The following LIPH variants were observed in gnomAD, a reference collection of about 807,000 sequenced individuals.
The protein encoded by LIPH is lipase member H.
Under a neutral mutation model 47.6 loss-of-function variants are expected in LIPH, and 32 were observed. The ratio of observed to expected loss-of-function variants is 0.67; its 90% CI spans 0.51 to 0.90. LIPH has a LOEUF of 0.90. Among genes scored for constraint, LIPH ranks in the 40% least tolerant of loss-of-function variants. LIPH has a pLI of 0.00. For missense variants in LIPH, 497 were observed against 541.4 expected (o/e 0.92, Z 0.81); for synonymous variants, 190 against 195.6 (o/e 0.97, Z 0.24).
chr3:185,545,827 C>T (rs1004745255), intron 1 of LIPH, among the ~76,000 whole-genome samples: 1 of 152,102 alleles, frequency 6.6e-6, no homozygotes, highest in Non-Finnish European at 1.5e-5. Flanking sequence ...AATTAATTGC[C>T]TAACCTCTCT....
intron 5 of LIPH, among the ~76,000 whole-genome samples, chr3:185,522,472 G>A (rs1719921466): frequency 6.6e-6 from 1 of 150,524 alleles, no homozygotes; most frequent in African/African-American, 2.4e-5. Context: ...GAAAGGGAAG[G>A]GAAAGGAAAG....
At chr3:185,540,347 A>G (rs1479843880) in intron 1 of LIPH, among the ~76,000 whole-genome samples, 2 of 152,044 alleles carry the variant, frequency 1.3e-5, no homozygotes, top group Non-Finnish European at 2.9e-5. Context: ...GTTCTTTTGT[A>G]TGTATGTGTT....
chr3:185,547,628 G>A (rs1720916540), intron 1 of LIPH, among the ~76,000 whole-genome samples: 1 of 152,012 alleles, frequency 6.6e-6, no homozygotes, highest in Non-Finnish European at 1.5e-5. Context: ...AGCCTGGCCA[G>A]CCTGGCCAAC....
intron 3 of LIPH, among the ~76,000 whole-genome samples, chr3:185,532,157 G>A (rs896427369): frequency 2.7e-5 from 4 of 150,916 alleles, no homozygotes; most frequent in Admixed American, 1.3e-4. Flanking sequence ...GCAACTTCAC[G>A]GCCTCTTACT....
intron 3 of LIPH, among the ~76,000 whole-genome samples, chr3:185,532,953 C>T (rs1016577091): frequency 6.6e-6 from 1 of 152,066 alleles, no homozygotes; most frequent in Non-Finnish European, 1.5e-5. Context: ...AAATAGCCAT[C>T]TAGGTATGAG....
At chr3:185,529,954 GA>G (rs869057362) in intron 3 of LIPH, among the ~76,000 whole-genome samples, 1 of 54,744 alleles carries the variant, frequency 1.8e-5, no homozygotes, top group Non-Finnish European at 4.6e-5. Context: ...AAGAAAGAAA[GA>G]AAGAAAGAAG....
At chr3:185,537,625 A>G (rs1356733985) in intron 1 of LIPH, among the ~76,000 whole-genome samples, 5 of 152,076 alleles carry the variant, frequency 3.3e-5, no homozygotes, top group African/African-American at 1.2e-4. Context: ...CTTAGCTATC[A>G]GTAAGGCTGG....
intron 8 of LIPH, among the ~76,000 whole-genome samples, chr3:185,512,243 C>T (rs1293618379): frequency 6.6e-6 from 1 of 152,080 alleles, no homozygotes; most frequent in African/African-American, 2.4e-5. Context: ...TAGATGCTAA[C>T]TGAATTGTGC....
chr3:185,530,869 A>AAAAT (rs895092406), intron 3 of LIPH, among the ~76,000 whole-genome samples: 5 of 152,098 alleles, frequency 3.3e-5, no homozygotes, highest in East Asian at 1.9e-4. Flanking sequence ...CCCTGTCTCA[A>AAAAT]AAATAAATAA....
At chr3:185,551,865 T>A (rs1012258489) in intron 1 of LIPH, among the ~76,000 whole-genome samples, 2 of 152,108 alleles carry the variant, frequency 1.3e-5, no homozygotes, top group African/African-American at 2.4e-5. Flanking sequence ...ACATTAGGGT[T>A]TTAATTTTGA....
intron 1 of LIPH, among the ~76,000 whole-genome samples, chr3:185,541,917 T>G (rs1720726352): frequency 6.6e-6 from 1 of 151,666 alleles, no homozygotes; most frequent in African/African-American, 2.4e-5. Context: ...CCACCACACC[T>G]GGCTAATTTT....
At chr3:185,547,816 A>G (rs1329124130) in intron 1 of LIPH, among the ~76,000 whole-genome samples, 1 of 145,954 alleles carries the variant, frequency 6.9e-6, no homozygotes, top group South Asian at 2.2e-4. Flanking sequence ...CAAGAGCAAA[A>G]CTCCATCTCC....
At chr3:185,552,397 A>G (rs1297853356) in intron 1 of LIPH, 26 bp downstream of exon 1, 2 of 1,536,106 alleles carry the variant, frequency 1.3e-6, no homozygotes, top group Non-Finnish European at 1.8e-6. Context: ...TAAGCAGTTA[A>G]GAAAACCAGT....
intron 1 of LIPH, among the ~76,000 whole-genome samples, chr3:185,545,924 C>T (rs754467466): frequency 2.6e-5 from 4 of 150,962 alleles, no homozygotes; most frequent in Admixed American, 1.3e-4. Context: ...GGGAGGCTGA[C>T]GCAGGCAGAT....
chr3:185,517,895 C>G (rs1719781199), intron 6 of LIPH, among the ~76,000 whole-genome samples: 1 of 152,174 alleles, frequency 6.6e-6, no homozygotes, highest in Admixed American at 6.5e-5. Context: ...TCCTAACCAC[C>G]TAGAATATCT....
intron 3 of LIPH, among the ~76,000 whole-genome samples, chr3:185,529,981 AG>A (rs1720280800): frequency 4.7e-5 from 7 of 148,740 alleles, no homozygotes; most frequent in South Asian, 2.1e-4. Context: ...AAAGAAAGAG[AG>A]AGAGAGAGAA....
At chr3:185,510,515 A>T (rs966428868) in intron 9 of LIPH, among the ~76,000 whole-genome samples, 1 of 152,048 alleles carries the variant, frequency 6.6e-6, no homozygotes, top group Admixed American at 6.6e-5. Flanking sequence ...ACTCCTTAAT[A>T]CTTCATTGTA....
chr3:185,543,890 C>G lies in LIPH; in HGVS notation c.49+8533G>C, dbSNP rs539248997. On this transcript the variant is annotated intron_variant, in intron 1 of 9. Transcript: ENST00000296252. ...TGATGCACGGTTTCTCACTCTTGTC[C>G]CCCAGGCTGGAGTGCAATGGCATGG... 6.6e-3 allele frequency among the ~76,000 whole-genome samples: 689 copies of G among 104,794 alleles called. 12 individuals carry two copies. The highest frequency in any genetic ancestry group is 0.034 in the African/African-American group (650 of 19,278). The allele number at this position is 104,794 out of a possible 152,430, so 68.7% of individuals were successfully genotyped here. A position where few individuals can be genotyped will look rare whatever the true frequency, so the allele number is the denominator to read the frequency against.
chr3:185,536,880 C>T (rs1283463535), intron 1 of LIPH, among the ~76,000 whole-genome samples: 1 of 152,028 alleles, frequency 6.6e-6, no homozygotes, highest in African/African-American at 2.4e-5. Flanking sequence ...TAAAACCTTG[C>T]CATTTTATTT....
Sources: gnomAD v4.1 joint callset for allele counts (sites outside exome capture counted in the v4.1 genomes callset) on GRCh38, gnomAD v4.1.1 for gene constraint, MANE v1.5 for transcripts, NCBI Gene and HGNC (gene_info 2026-07-23, HGNC 2026-07-21) for gene names.